Variants in PFKFB3 observed in about 807,000 individuals in gnomAD.
PFKFB3 encodes 6-phosphofructo-2-kinase/fructose-2,6-biphosphatase 3.
In PFKFB3, 33 loss-of-function variants were observed where a neutral mutation model predicts 68.0. The observed-to-expected ratio is 0.49, with a 90% CI of 0.37 to 0.65. The LOEUF is 0.65. Ranked by LOEUF, PFKFB3 falls within the 30% of genes least tolerant of loss-of-function variation. PFKFB3 has a pLI of 0.00. For synonymous variants in PFKFB3, 315 were observed against 288.2 expected (o/e 1.09, Z -0.94); for missense variants, 586 against 712.2 (o/e 0.82, Z 2.02).
chr10:6,203,212 C>T lies in PFKFB3; in HGVS notation c.-49C>T, dbSNP rs1843451608. On this transcript the variant is annotated 5_prime_UTR_variant, in exon 1 of 15. Coordinates refer to ENST00000379775, the MANE Select transcript of PFKFB3 (RefSeq NM_004566.4). ...GGGTCGGCGGCCGCTCTCCTGCCAG[C>T]GTCGGGATCTCGGCCCCGGGAGGCG... The T allele has an allele frequency of 1.3e-6, 2 of 1,593,212 alleles. No individual in the cohort carries two copies. Among genetic ancestry groups the T allele is most frequent in the Non-Finnish European group, 1.7e-6 (2 of 1,171,028 alleles).
upstream of PFKFB3, among the ~76,000 whole-genome samples, chr10:6,198,139 A>G (rs752478506): frequency 4.0e-5 from 6 of 151,896 alleles, no homozygotes; most frequent in Admixed American, 3.9e-4. Flanking sequence ...CCAGTTACTC[A>G]GGAGGCTGAG....
At chr10:6,313,641 GGTT>G in the PFKFB3 span, among the ~76,000 whole-genome samples, 5 of 152,082 alleles carry the variant, frequency 3.3e-5, no homozygotes, top group Non-Finnish European at 5.9e-5. The surrounding 1 kb of genome is among the most constrained non-coding windows in gnomAD (Gnocchi z 4.2). Flanking sequence ...GCTGTGCTGC[GGTT>G]TCATGATTTG....
At chr10:6,191,677 A>G (rs1843026214) in intron 1 of PFKFB3, among the ~76,000 whole-genome samples, 1 of 152,228 alleles carries the variant, frequency 6.6e-6, no homozygotes, top group Admixed American at 6.5e-5. Context: ...TGGTTTCGAC[A>G]GGTAGGATCT....
chr10:6,167,754 C>G (rs1343370333), intron 1 of PFKFB3, among the ~76,000 whole-genome samples: 2 of 152,212 alleles, frequency 1.3e-5, no homozygotes, highest in Non-Finnish European at 2.9e-5. Context: ...TGATGATCCT[C>G]TTTTCTTCCT....
At chr10:6,147,039 T>TC (rs1841411814) in intron 1 of PFKFB3, among the ~76,000 whole-genome samples, 1 of 152,136 alleles carries the variant, frequency 6.6e-6, no homozygotes, top group Admixed American at 6.5e-5. Context: ...AGGCAGAGCT[T>TC]CCCCAGTTGC....
intron 8 of PFKFB3, 148 bp downstream of exon 8, chr10:6,221,013 G>T: frequency 2.6e-6 from 2 of 765,306 alleles, no homozygotes; most frequent in South Asian, 1.5e-5. Flanking sequence ...GCGCCTGCAC[G>T]TCTCTATGCA....
chr10:6,246,612 G>T (rs888424129), intron 14 of PFKFB3, among the ~76,000 whole-genome samples: 3 of 152,056 alleles, frequency 2.0e-5, no homozygotes, highest in Non-Finnish European at 4.4e-5. Context: ...AAAGTGCTGA[G>T]ATTACAGGCA....
chr10:6,219,842 G>C (rs1314788655), intron 7 of PFKFB3, 149 bp downstream of exon 7: 2 of 711,608 alleles, frequency 2.8e-6, no homozygotes, highest in African/African-American at 3.6e-5. Flanking sequence ...TCGCTATGTT[G>C]CCCGGGCTGG....
the PFKFB3 span, among the ~76,000 whole-genome samples, chr10:6,268,585 A>G: frequency 2.6e-5 from 4 of 152,230 alleles, no homozygotes; most frequent in Admixed American, 2.6e-4. Flanking sequence ...AGATTGTGCC[A>G]CTGCACTCCA....
intron 14 of PFKFB3, chr10:6,231,307 T>C (rs780780861): frequency 1.9e-6 from 3 of 1,612,404 alleles, no homozygotes; most frequent in Non-Finnish European, 2.5e-6. Context: ...CCTTACTAAC[T>C]GTGGAAGGTA....
At chr10:6,244,226 A>G (rs1846204624) in intron 14 of PFKFB3, among the ~76,000 whole-genome samples, 1 of 152,174 alleles carries the variant, frequency 6.6e-6, no homozygotes, top group African/African-American at 2.4e-5. Context: ...TTTGGATGTC[A>G]AATGAAGAGC....
intron 1 of PFKFB3, among the ~76,000 whole-genome samples, chr10:6,192,330 G>A (rs1469194455): frequency 5.4e-5 from 8 of 149,506 alleles, no homozygotes; most frequent in Non-Finnish European, 1.0e-4. Flanking sequence ...AGCTAGCATC[G>A]CTGTCCAAAA....
intron 1 of PFKFB3, among the ~76,000 whole-genome samples, chr10:6,178,438 A>C (rs573632420): frequency 1.8e-4 from 27 of 152,144 alleles, no homozygotes; most frequent in Non-Finnish European, 3.8e-4. Flanking sequence ...GCTTAGGGGA[A>C]ACGCAGGCAG....
chr10:6,253,305 G>C (rs1316207637), intron 14 of PFKFB3, among the ~76,000 whole-genome samples: 2 of 152,220 alleles, frequency 1.3e-5, no homozygotes, highest in African/African-American at 4.8e-5. Context: ...CTTTTGAAAA[G>C]GCTTGACTGT....
chr10:6,232,750 G>T, intron 14 of PFKFB3, 145 bp from the exon 15 acceptor site: 1 of 693,382 alleles, frequency 1.4e-6, no homozygotes, highest in Non-Finnish European at 2.6e-6. Flanking sequence ...CTGTGAGGTT[G>T]GCAGCACCTT....
chr10:6,175,214 A>T (rs1244771977), intron 1 of PFKFB3, among the ~76,000 whole-genome samples: 1 of 152,208 alleles, frequency 6.6e-6, no homozygotes, highest in Non-Finnish European at 1.5e-5. Context: ...TAGAGAGAAT[A>T]TGAGGTTGTC....
In PFKFB3 at chr10:6,216,722, A is replaced by C; in HGVS notation, c.383A>C (p.Asn128Thr). 6.2e-7 allele frequency: 1 copy of C among 1,612,884 alleles called. No individual in the cohort carries two copies. The highest frequency in any genetic ancestry group is 8.5e-7 in the Non-Finnish European group (1 of 1,178,842). The stretch of plus-strand genomic sequence containing the variant: ...CCATATCAGGTTTTCGATGCCACCA[A>C]TACTACTAGAGAGAGGAGACACATG... ...GGQIAVFDAT[N>T]TTRERRHMIL... Residue 128 changes from asparagine to threonine, a missense_variant, in exon 5 of 15, where the codon AAT (asparagine) becomes ACT (threonine). Coordinates refer to ENST00000379775, the MANE Select transcript of PFKFB3 (RefSeq NM_004566.4).
chr10:6,210,514 A>C lies in PFKFB3; in HGVS notation c.77-3109A>C, dbSNP rs374580132. On this transcript the variant is annotated intron_variant, in intron 1 of 14. Transcript: ENST00000379775. Reference sequence around the variant, plus strand: ...TAGCTGGGACTACAGGCGCCCGCCAACATGGCCGGCTAATTTTTTGTGTTT... The same window carrying C: ...TAGCTGGGACTACAGGCGCCCGCCACCATGGCCGGCTAATTTTTTGTGTTT... Among the ~76,000 whole-genome samples, 95 of 114,124 alleles carry C rather than the reference A, an allele frequency of 8.3e-4. 26 individuals are homozygous for C. The South Asian group carries it at 0.024, about 29-fold the overall frequency. 74.9% of individuals were successfully genotyped at this position (114,124 alleles called of 152,430 possible). A position where few individuals can be genotyped will look rare whatever the true frequency, so the allele number is the denominator to read the frequency against.
At chr10:6,155,242 G>T (rs1463787331) in intron 1 of PFKFB3, among the ~76,000 whole-genome samples, 44 of 133,230 alleles carry the variant, frequency 3.3e-4, no homozygotes, top group African/African-American at 1.2e-3. Flanking sequence ...CCGCTCTGTC[G>T]CCCAGGCTGG....
Sources: allele counts gnomAD v4.1 joint callset (sites outside exome capture counted in the v4.1 genomes callset), GRCh38; gene constraint gnomAD v4.1.1; non-coding constraint Gnocchi (gnomAD v3.1); transcripts MANE v1.5; gene names NCBI Gene and HGNC (gene_info 2026-07-23, HGNC 2026-07-21).